The following CAMK1D variants were observed in gnomAD, a reference collection of about 807,000 sequenced individuals.
CAMK1D encodes the protein calcium/calmodulin dependent protein kinase ID.
Under a neutral mutation model 47.7 loss-of-function variants are expected in CAMK1D, and 9 were observed. The observed-to-expected ratio is 0.19, with a 90% CI of 0.11 to 0.33. The LOEUF is 0.33. CAMK1D is among the 10% of genes least tolerant of loss of function. The pLI, the probability that CAMK1D is intolerant of heterozygous loss-of-function variation, is 1.00. For missense variants in CAMK1D, 291 were observed against 488.7 expected, an observed-to-expected ratio of 0.60 and a Z score of 3.81; for synonymous variants, 184 against 184.9, an observed-to-expected ratio of 0.99 and a Z score of 0.04.
intron 4 of CAMK1D, among the ~76,000 whole-genome samples, chr10:12,768,227 A>G (rs1015607926): frequency 2.6e-5 from 4 of 152,200 alleles, no homozygotes; most frequent in Non-Finnish European, 1.5e-5. Context: ...CTGGCGAATC[A>G]TGAGGGAGGA....
intron 3 of CAMK1D, among the ~76,000 whole-genome samples, chr10:12,732,108 G>T (rs968084291): frequency 6.6e-6 from 1 of 152,184 alleles, no homozygotes; most frequent in African/African-American, 2.4e-5. Flanking sequence ...GGGTGTGGTG[G>T]CGCGTGCCTG....
chr10:12,516,629 C>T (rs1252131016), intron 1 of CAMK1D, among the ~76,000 whole-genome samples: 1 of 152,148 alleles, frequency 6.6e-6, no homozygotes, highest in Non-Finnish European at 1.5e-5. Context: ...TGCTGTTGCT[C>T]TATATTCTTG....
At chr10:12,814,033 C>T (rs181132131) in intron 6 of CAMK1D, among the ~76,000 whole-genome samples, 162 bp from the exon 7 acceptor site, 178 of 151,490 alleles carry the variant, frequency 1.2e-3, no homozygotes, top group Non-Finnish European at 1.7e-3. Flanking sequence ...AAGTGATCTG[C>T]CCGCCTTGGC....
At chr10:12,723,439 A>G (rs565416708) in intron 3 of CAMK1D, among the ~76,000 whole-genome samples, 2 of 152,242 alleles carry the variant, frequency 1.3e-5, no homozygotes, top group East Asian at 3.9e-4. Context: ...GGGGCATCTC[A>G]TCTCAGAAAA....
At chr10:12,515,575 G>T (rs7909637) in intron 1 of CAMK1D, among the ~76,000 whole-genome samples, 1 of 62,366 alleles carries the variant, frequency 1.6e-5, no homozygotes, top group African/African-American at 6.7e-5. Context: ...CCCCTCCCCC[G>T]ACCCCACCAC....
intron 6 of CAMK1D, among the ~76,000 whole-genome samples, chr10:12,810,140 C>A (rs1276277992): frequency 2.3e-5 from 2 of 87,624 alleles, no homozygotes; most frequent in Non-Finnish European, 4.3e-5. Context: ...CAGAGAGAGA[C>A]CCTGTCTCAT....
intron 2 of CAMK1D, among the ~76,000 whole-genome samples, chr10:12,617,537 G>A (rs1204825242): frequency 6.6e-6 from 1 of 152,200 alleles, no homozygotes; most frequent in East Asian, 1.9e-4. Flanking sequence ...CCCAGGGCGA[G>A]GCAGTTTGTA....
rs1833392183 is a variant in CAMK1D, at chr10:12,830,070, C to A, written c.*1183C>A. 1 of 152,118 alleles carries A rather than the reference C, an allele frequency of 6.6e-6. No individual in the cohort carries two copies. The highest frequency in any genetic ancestry group is 2.4e-5 in the African/African-American group (1 of 41,416). The allele number at this position is 152,118 out of a possible 1,614,324, so 9.4% of individuals were successfully genotyped here. ...CCACACTGCAGAGATGCAGGACCCT[C>A]CCTTGCAAAAGGAACCAGCTGCCAT... On this transcript the variant is annotated 3_prime_UTR_variant, in exon 11 of 11. Transcript: ENST00000619168.
chr10:12,439,014 C>G (rs1564340635), intron 1 of CAMK1D, among the ~76,000 whole-genome samples: 1 of 152,150 alleles, frequency 6.6e-6, no homozygotes. Context: ...TCTTTCCTGT[C>G]TCTTCCTCTC....
At chr10:12,751,121 GATAA>G in intron 3 of CAMK1D, among the ~76,000 whole-genome samples, 1 of 112,624 alleles carries the variant, frequency 8.9e-6, no homozygotes, top group East Asian at 2.6e-4. Flanking sequence ...GATAAGATAA[GATAA>G]GAAGGCTTCA....
At position 12,401,957 on chromosome 10, in the gene CAMK1D, G is replaced by A. The variant is rs181052117; in HGVS notation, c.92+52047G>A. 9.5e-3 allele frequency among the ~76,000 whole-genome samples: 1,443 copies of A among 151,758 alleles called. 18 individuals are homozygous for A. The highest frequency in any genetic ancestry group is 0.033 in the African/African-American group (1,384 of 41,372). On this transcript the variant is annotated intron_variant, in intron 1 of 10. Coordinates refer to ENST00000619168, the MANE Select transcript of CAMK1D (RefSeq NM_153498.4). ...GTCACCCAGGCTGGAGTACAGTGGC[G>A]CGATCTCCGCTCATTGCAACCTCCG...
chr10:12,404,976 C>T (rs965927192), intron 1 of CAMK1D, among the ~76,000 whole-genome samples: 12 of 152,116 alleles, frequency 7.9e-5, no homozygotes, highest in Non-Finnish European at 1.3e-4. Context: ...TGAGCCACCG[C>T]GCCTGGCTGG....
intron 1 of CAMK1D, among the ~76,000 whole-genome samples, chr10:12,372,448 T>G (rs1197440600): frequency 6.6e-6 from 1 of 152,212 alleles, no homozygotes; most frequent in African/African-American, 2.4e-5. Flanking sequence ...CCAAAGCCAG[T>G]GCTCCCAGCC....
intron 3 of CAMK1D, among the ~76,000 whole-genome samples, chr10:12,696,868 T>C (rs1424157181): frequency 1.3e-5 from 2 of 152,206 alleles, no homozygotes; most frequent in Admixed American, 6.5e-5. Flanking sequence ...ATACACACAG[T>C]TCATGCTTAG....
At position 12,673,388 on chromosome 10, in the gene CAMK1D, A is replaced by G. The variant is rs553487794; in HGVS notation, c.299+6578A>G. On this transcript the variant is annotated intron_variant, in intron 3 of 10. Transcript: ENST00000619168. ...TCATATACTTGTTCAATTTATTCTG[A>G]AATATTTTTTATTCTATTTTCAATG... Among the ~76,000 whole-genome samples the G allele has an allele frequency of 3.9e-5, 6 of 152,210 alleles. No individual in the cohort carries two copies. In the South Asian group the frequency reaches 1.2e-3, roughly 32 times the overall value.
chr10:12,760,565 T>C (rs1836455415), intron 3 of CAMK1D: 1 of 164,052 alleles, frequency 6.1e-6, no homozygotes, highest in African/African-American at 2.4e-5. Context: ...ACACTCTCGG[T>C]CATTTAAGGA....
intron 3 of CAMK1D, among the ~76,000 whole-genome samples, chr10:12,675,320 G>A (rs182247372): frequency 3.3e-5 from 5 of 152,212 alleles, no homozygotes; most frequent in African/African-American, 1.2e-4. Context: ...ATATCCAACT[G>A]TCTTCTCAGC....
intron 1 of CAMK1D, among the ~76,000 whole-genome samples, chr10:12,452,711 G>A (rs1020079215): frequency 1.3e-5 from 2 of 151,712 alleles, no homozygotes; most frequent in Non-Finnish European, 2.9e-5. Context: ...TCAGCCTCCC[G>A]AGTAGTTGGG....
At chr10:12,422,529 C>T (rs1382382206) in intron 1 of CAMK1D, among the ~76,000 whole-genome samples, 1 of 152,024 alleles carries the variant, frequency 6.6e-6, no homozygotes, top group Non-Finnish European at 1.5e-5. Context: ...GCAGCATGCC[C>T]CCTGAACACC....
Sources: allele counts gnomAD v4.1 joint callset (sites outside exome capture counted in the v4.1 genomes callset), GRCh38; gene constraint gnomAD v4.1.1; transcripts MANE v1.5; gene names NCBI Gene and HGNC (gene_info 2026-07-23, HGNC 2026-07-21).